The following CREB5 variants were observed in gnomAD, a reference collection of about 807,000 sequenced individuals.
CREB5 encodes cyclic AMP-responsive element-binding protein 5.
Under a neutral mutation model 57.1 loss-of-function variants are expected in CREB5, and 19 were observed. The ratio of observed to expected loss-of-function variants is 0.33; its 90% CI spans 0.23 to 0.49. The LOEUF (loss-of-function observed/expected upper bound fraction) is 0.49, where lower values mean the gene tolerates loss of function less well. Among genes scored for constraint, CREB5 ranks in the 20% least tolerant of loss-of-function variants. The probability of loss-of-function intolerance (pLI) is 0.99; values close to 1 mark genes in which losing one functional copy is unlikely to be tolerated. For synonymous variants in CREB5, 238 were observed against 238.3 expected (o/e 1.00, Z 0.01); for missense variants, 579 against 671.6 (o/e 0.86, Z 1.52).
rs780357005 is a variant in CREB5 at position 28,535,175 on chromosome 7, A to G, written c.291+27438A>G. ...CGAAGGCAGCCTTACAAGGAAGGCTAGGTCGGGCCCAATTTGGTAACAGAC... is the reference window on the plus strand; with the variant it reads ...CGAAGGCAGCCTTACAAGGAAGGCTGGGTCGGGCCCAATTTGGTAACAGAC... On this transcript the variant is annotated intron_variant, in intron 4 of 10. Coordinates refer to ENST00000357727, the MANE Select transcript of CREB5 (RefSeq NM_182898.4). Among the ~76,000 whole-genome samples the G allele has an allele frequency of 6.3e-5, 9 of 141,976 alleles. 1 individual carries two copies. Among genetic ancestry groups the G allele is most frequent in the Non-Finnish European group, 1.3e-4 (8 of 63,228 alleles). 93.1% of individuals were successfully genotyped at this position (141,976 alleles called of 152,430 possible). A position where few individuals can be genotyped will look rare whatever the true frequency, so the allele number is the denominator to read the frequency against.
intron 1 of CREB5, among the ~76,000 whole-genome samples, chr7:28,300,939 A>T (rs1325842540): frequency 2.0e-5 from 3 of 152,176 alleles, no homozygotes; most frequent in Admixed American, 2.0e-4. Flanking sequence ...CCTGACTCAG[A>T]GACTGGGTTT....
At chr7:28,322,267 G>T (rs1031271235) in intron 1 of CREB5, among the ~76,000 whole-genome samples, 2 of 151,948 alleles carry the variant, frequency 1.3e-5, no homozygotes, top group Admixed American at 6.6e-5. Context: ...TTACTAAGTG[G>T]GTAGTCTAAT....
intron 1 of CREB5, among the ~76,000 whole-genome samples, chr7:28,406,768 T>C (rs558915445): frequency 2.9e-4 from 44 of 152,324 alleles, no homozygotes; most frequent in African/African-American, 1.0e-3. Context: ...TGAGTGAGCA[T>C]GAGGCAGAAA....
intron 5 of CREB5, among the ~76,000 whole-genome samples, chr7:28,591,373 A>AT (rs1183038874): frequency 6.6e-6 from 1 of 151,924 alleles, no homozygotes; most frequent in African/African-American, 2.4e-5. Context: ...GGTTCAATTG[A>AT]TTTTTTTCCC....
chr7:28,462,774 T>C (rs1186235031), intron 1 of CREB5, among the ~76,000 whole-genome samples: 1 of 152,196 alleles, frequency 6.6e-6, no homozygotes, highest in Admixed American at 6.5e-5. Context: ...TGCTTTTTTA[T>C]TGTTTAGTTG....
At chr7:28,475,976 T>G (rs1791053851) in intron 1 of CREB5, among the ~76,000 whole-genome samples, 1 of 152,204 alleles carries the variant, frequency 6.6e-6, no homozygotes, top group Non-Finnish European at 1.5e-5. Flanking sequence ...AAACCCGTCT[T>G]AGTCTGGCAG....
chr7:28,804,991 C>T (rs1808623323), intron 8 of CREB5, among the ~76,000 whole-genome samples: 1 of 152,166 alleles, frequency 6.6e-6, no homozygotes, highest in South Asian at 2.1e-4. Flanking sequence ...AGGCAATCTT[C>T]TGAGTAACAG....
At chr7:28,636,011 T>C (rs1288088852) in intron 5 of CREB5, among the ~76,000 whole-genome samples, 1 of 152,246 alleles carries the variant, frequency 6.6e-6, no homozygotes, top group African/African-American at 2.4e-5. Context: ...TAAATAGTTA[T>C]TGAGCCACAA....
At chr7:28,503,889 C>T (rs1323476368) in intron 3 of CREB5, among the ~76,000 whole-genome samples, 2 of 152,058 alleles carry the variant, frequency 1.3e-5, no homozygotes, top group African/African-American at 4.8e-5. Context: ...TCCCTCCCAC[C>T]CCCAGAGCAG....
intron 5 of CREB5, among the ~76,000 whole-genome samples, chr7:28,645,522 G>A (rs1583472192): frequency 6.6e-6 from 1 of 152,194 alleles, no homozygotes; most frequent in Non-Finnish European, 1.5e-5. Context: ...TGCCTGAGCT[G>A]ATGTTAATTA....
intron 4 of CREB5, among the ~76,000 whole-genome samples, chr7:28,527,987 A>G (rs999367816): frequency 3.3e-5 from 5 of 152,198 alleles, no homozygotes; most frequent in African/African-American, 4.8e-5. Context: ...CTGAGCCGCC[A>G]TGTTTATCTA....
chr7:28,428,363 T>A (rs1327668413), intron 1 of CREB5, among the ~76,000 whole-genome samples: 1 of 152,134 alleles, frequency 6.6e-6, no homozygotes, highest in Non-Finnish European at 1.5e-5. Context: ...TATAAAGCCC[T>A]CCATTGTGGT....
At chr7:28,371,721 G>A (rs1041123954) in intron 1 of CREB5, among the ~76,000 whole-genome samples, 5 of 152,028 alleles carry the variant, frequency 3.3e-5, no homozygotes, top group Admixed American at 1.3e-4. Context: ...TGGAAGTCCC[G>A]CCCCTTTGTC....
At chr7:28,657,672 G>A (rs796241612) in intron 5 of CREB5, among the ~76,000 whole-genome samples, 8 of 135,978 alleles carry the variant, frequency 5.9e-5, no homozygotes, top group African/African-American at 1.1e-4. Flanking sequence ...AGCGGAGATC[G>A]TGCCACTGCA....
chr7:28,308,341 G>A (rs79447452), intron 1 of CREB5, among the ~76,000 whole-genome samples: 64 of 152,240 alleles, frequency 4.2e-4, no homozygotes, highest in East Asian at 3.5e-3. Context: ...TATGTAAGCC[G>A]CTCTAGTGCT....
At chr7:28,519,681 CCTT>C (rs1224492016) in intron 4 of CREB5, among the ~76,000 whole-genome samples, 1 of 152,204 alleles carries the variant, frequency 6.6e-6, no homozygotes, top group Non-Finnish European at 1.5e-5. Flanking sequence ...TTAAAGTAGT[CCTT>C]CTAATTGAAT....
intron 5 of CREB5, among the ~76,000 whole-genome samples, chr7:28,707,722 A>G (rs1802188224): frequency 6.6e-6 from 1 of 152,188 alleles, no homozygotes; most frequent in African/African-American, 2.4e-5. Context: ...TAATTGTTTT[A>G]CACTATTTGT....
In CREB5 at chr7:28,606,443, T is replaced by C. The variant is rs923317722; in HGVS notation, c.464+35906T>C. Among the ~76,000 whole-genome samples, 7 of 152,330 alleles carry C rather than the reference T, an allele frequency of 4.6e-5. 1 individual carries two copies. The South Asian group carries it at 1.4e-3, about 32-fold the overall frequency. On this transcript the variant is annotated intron_variant, in intron 5 of 10. Transcript: ENST00000357727. ...AAATCACACCTTCATATGAGCCTCCTGGCAGATATTTCTGGTGTGTTTGTC... is the reference window on the plus strand; with the variant it reads ...AAATCACACCTTCATATGAGCCTCCCGGCAGATATTTCTGGTGTGTTTGTC...
At chr7:28,718,553 A>G (rs1318592391) in intron 5 of CREB5, among the ~76,000 whole-genome samples, 200 bp from the exon 6 acceptor site, 1 of 152,214 alleles carries the variant, frequency 6.6e-6, no homozygotes, top group African/African-American at 2.4e-5. Context: ...AATTTGATAT[A>G]TTAACTAGGA....
Sources: gnomAD v4.1 joint callset for allele counts (sites outside exome capture counted in the v4.1 genomes callset) on GRCh38, gnomAD v4.1.1 for gene constraint, MANE v1.5 for transcripts, NCBI Gene and HGNC (gene_info 2026-07-23, HGNC 2026-07-21) for gene names.